AGBL1: variants seen among roughly 807,000 people sequenced by gnomAD.
The protein encoded by AGBL1 is AGBL carboxypeptidase 1, also known as cytosolic carboxypeptidase 4.
Under a neutral mutation model 118.9 loss-of-function variants are expected in AGBL1, and 130 were observed. The ratio of observed to expected loss-of-function variants is 1.09; its 90% CI spans 0.95 to 1.26. AGBL1 has a LOEUF of 1.26. Among genes scored for constraint, AGBL1 ranks in the 50% most tolerant of loss-of-function variants. The pLI is 0.00. For synonymous variants in AGBL1, 555 were observed against 478.9 expected (o/e 1.16, Z -2.08); for missense variants, 1,584 against 1,298.1 (o/e 1.22, Z -3.38).
intron 1 of AGBL1, among the ~76,000 whole-genome samples, chr15:86,115,131 C>A (rs1897673674): frequency 6.6e-6 from 1 of 152,128 alleles, no homozygotes; most frequent in South Asian, 2.1e-4. Flanking sequence ...ACAATGAGAC[C>A]ACTTTTGTTT....
intron 22 of AGBL1, among the ~76,000 whole-genome samples, chr15:86,769,113 T>C (rs937759858): frequency 2.0e-5 from 3 of 149,582 alleles, no homozygotes; most frequent in South Asian, 2.1e-4. Flanking sequence ...GTACATGCAA[T>C]GGGATACATT....
At chr15:86,782,791 C>CAATG (rs1157826611) in intron 22 of AGBL1, among the ~76,000 whole-genome samples, 1 of 152,150 alleles carries the variant, frequency 6.6e-6, no homozygotes, top group African/African-American at 2.4e-5. Flanking sequence ...CTTTGCCTTG[C>CAATG]AATGGTAAAG....
chr15:86,423,507 A>T (rs2081821136), intron 18 of AGBL1, among the ~76,000 whole-genome samples: 1 of 152,218 alleles, frequency 6.6e-6, no homozygotes, highest in Non-Finnish European at 1.5e-5. Flanking sequence ...TACCACTCCT[A>T]TTCAACATAG....
At chr15:86,088,663 G>A (rs1597377595) in intron 1 of AGBL1, among the ~76,000 whole-genome samples, 1 of 152,222 alleles carries the variant, frequency 6.6e-6, no homozygotes, top group Non-Finnish European at 1.5e-5. Flanking sequence ...CACTCAAAAA[G>A]CGTTGTGGAA....
chr15:86,423,958 C>A (rs2081830100), intron 18 of AGBL1, among the ~76,000 whole-genome samples: 1 of 152,098 alleles, frequency 6.6e-6, no homozygotes, highest in Non-Finnish European at 1.5e-5. Flanking sequence ...ACATACTGCC[C>A]AAAGTAATTT....
intron 18 of AGBL1, among the ~76,000 whole-genome samples, chr15:86,411,749 T>G (rs764205003): frequency 9.9e-5 from 15 of 152,228 alleles, no homozygotes; most frequent in African/African-American, 1.7e-4. Flanking sequence ...CCATTTTTTT[T>G]GTCATTACTC....
rs1012485083 is a variant in AGBL1, at chr15:86,271,615, G to A, written c.1988-4G>A. On this transcript the variant is annotated splice_polypyrimidine_tract_variant and splice_region_variant and intron_variant, in intron 14 of 22. Transcript: ENST00000614907. ...TGGATTAATTCCTTTCTGATTTTGT[G>A]TAGGGATGCAGCCCACCCTATATTC... 1.9e-6 allele frequency: 3 copies of A among 1,605,010 alleles called. No individual in the cohort carries two copies. The highest frequency in any genetic ancestry group is 2.6e-6 in the Non-Finnish European group (3 of 1,171,986).
At position 86,905,562 on chromosome 15, in the gene AGBL1, T is replaced by G. The variant is rs376438904; in HGVS notation, c.3159-1525T>G. ...CAACAGCACAGCAATGGAATTAAAA[T>G]GTGGTGATTGCCTTTATTTCACAGA... On this transcript the variant is annotated intron_variant, in intron 22 of 22. Transcript: ENST00000614907. 7.0e-4 allele frequency among the ~76,000 whole-genome samples: 107 copies of G among 152,326 alleles called. 3 individuals are homozygous for G. In the South Asian group the frequency reaches 0.022, roughly 31 times the overall value.
chr15:86,137,533 G>C (rs954719869), intron 1 of AGBL1, among the ~76,000 whole-genome samples: 15 of 152,130 alleles, frequency 9.9e-5, no homozygotes, highest in African/African-American at 3.6e-4. Flanking sequence ...AGTCACCGAG[G>C]ACCCAAAATT....
chr15:86,434,874 T>C (rs1025101579), intron 18 of AGBL1, among the ~76,000 whole-genome samples: 1 of 152,216 alleles, frequency 6.6e-6, no homozygotes, highest in African/African-American at 2.4e-5. Flanking sequence ...GTAATTGATG[T>C]AGAAGAAATG....
At position 86,348,264 on chromosome 15, in the gene AGBL1, A is replaced by C. The variant is rs149974032; in HGVS notation, c.2375-49102A>C. Among the ~76,000 whole-genome samples, 323 of 152,376 alleles carry C rather than the reference A, an allele frequency of 2.1e-3. 2 individuals are homozygous for C. Among genetic ancestry groups the C allele is most frequent in the African/African-American group, 5.4e-3 (226 of 41,596 alleles). ...AAGAAATAAATAGCAACAAAGGGGA[A>C]AGAAAAATGAAAGGGAGAAGCAAAT... On this transcript the variant is annotated intron_variant, in intron 17 of 22. Coordinates refer to ENST00000614907, the MANE Select transcript of AGBL1 (RefSeq NM_001386094.1).
intron 17 of AGBL1, among the ~76,000 whole-genome samples, chr15:86,309,160 T>C (rs1310481206): frequency 1.3e-5 from 2 of 152,194 alleles, no homozygotes; most frequent in African/African-American, 4.8e-5. Flanking sequence ...TATTCCTAAG[T>C]TTTATTTTTA....
At chr15:86,226,905 C>T (rs1329714814) in intron 6 of AGBL1, among the ~76,000 whole-genome samples, 2 of 152,206 alleles carry the variant, frequency 1.3e-5, no homozygotes, top group African/African-American at 4.8e-5. Context: ...TCTGTCTCTT[C>T]CAGCAGACTG....
intron 21 of AGBL1, among the ~76,000 whole-genome samples, chr15:86,577,715 A>G (rs894731129): frequency 6.6e-6 from 1 of 151,916 alleles, no homozygotes; most frequent in African/African-American, 2.4e-5. Context: ...TGTCCCAGTC[A>G]CTCCAGCTGT....
At chr15:86,625,693 A>T (rs534051107) in intron 21 of AGBL1, among the ~76,000 whole-genome samples, 1 of 152,250 alleles carries the variant, frequency 6.6e-6, no homozygotes, top group South Asian at 2.1e-4. Flanking sequence ...TGGGTCAAGA[A>T]TGGCAGGTAA....
intron 1 of AGBL1, among the ~76,000 whole-genome samples, chr15:86,133,483 A>T (rs1480035531): frequency 2.0e-5 from 3 of 152,158 alleles, no homozygotes; most frequent in Non-Finnish European, 4.4e-5. Context: ...TGCACAATAC[A>T]TCCCTCCCCA....
In AGBL1 at chr15:86,914,756, C is replaced by T. The variant is rs891948257; in HGVS notation, c.*7462C>T. ...TAACTCAGGCAATCGGACTCTTAAA[C>T]TTGCTCTCCAAGGAAAAACATCTTT... On this transcript the variant is annotated 3_prime_UTR_variant, in exon 23 of 23. Transcript: ENST00000614907. The T allele has an allele frequency of 7.2e-5, 11 of 152,288 alleles. No homozygotes were observed. Among genetic ancestry groups the T allele is most frequent in the African/African-American group, 2.6e-4 (11 of 41,548 alleles). 9.4% of individuals were successfully genotyped at this position (152,288 alleles called of 1,614,324 possible). A position where few individuals can be genotyped will look rare whatever the true frequency, so the allele number is the denominator to read the frequency against.
intron 22 of AGBL1, among the ~76,000 whole-genome samples, chr15:86,764,283 G>A (rs967760821): frequency 6.6e-6 from 1 of 152,008 alleles, no homozygotes; most frequent in African/African-American, 2.4e-5. Context: ...TAAGTACCGG[G>A]TGATACAATG....
chr15:86,145,861 A>T (rs2077026608), intron 3 of AGBL1, among the ~76,000 whole-genome samples: 1 of 152,220 alleles, frequency 6.6e-6, no homozygotes, highest in South Asian at 2.1e-4. Context: ...TGATGATAGC[A>T]GACTATGATG....
Sources: gnomAD v4.1 joint callset for allele counts (sites outside exome capture counted in the v4.1 genomes callset) on GRCh38, gnomAD v4.1.1 for gene constraint, MANE v1.5 for transcripts, NCBI Gene and HGNC (gene_info 2026-07-23, HGNC 2026-07-21) for gene names.